The following SPAG16 variants were observed in gnomAD, a reference collection of about 807,000 sequenced individuals.
SPAG16 encodes sperm-associated antigen 16 protein.
Under a neutral mutation model 80.4 loss-of-function variants are expected in SPAG16, and 86 were observed. The ratio of observed to expected loss-of-function variants is 1.07; its 90% CI spans 0.90 to 1.28. The LOEUF (loss-of-function observed/expected upper bound fraction) is 1.28, where lower values mean the gene tolerates loss of function less well. Ranked by LOEUF, SPAG16 falls within the 50% of genes most tolerant of loss-of-function variation. SPAG16 has a pLI of 0.00. For missense variants in SPAG16, 870 were observed against 765.3 expected, an observed-to-expected ratio of 1.14 and a Z score of -1.61; for synonymous variants, 294 against 265.9, an observed-to-expected ratio of 1.11 and a Z score of -1.03.
chr2:214,008,876 C>T (rs2047156121), intron 12 of SPAG16, among the ~76,000 whole-genome samples: 1 of 152,052 alleles, frequency 6.6e-6, no homozygotes, highest in South Asian at 2.1e-4. Flanking sequence ...ATCATTTTTG[C>T]CCTTTCAGGC....
rs143953809 is a variant in SPAG16 at position 214,086,605 on chromosome 2, C to T, written c.1528-21591C>T. 5.3e-3 allele frequency among the ~76,000 whole-genome samples: 810 copies of T among 152,168 alleles called. 8 individuals are homozygous for T. Among genetic ancestry groups the T allele is most frequent in the Middle Eastern group, 0.048 (14 of 294 alleles). ...TGCCTTGTGAAGAGATGCCTTCCAC[C>T]GTGATTATGTTTCCTGAGGCCTCCC... On this transcript the variant is annotated intron_variant, in intron 13 of 15. Coordinates refer to ENST00000331683, the MANE Select transcript of SPAG16 (RefSeq NM_024532.5).
chr2:213,697,711 T>C (rs75362652), intron 10 of SPAG16, among the ~76,000 whole-genome samples: 5,590 of 152,276 alleles, frequency 0.037, 344 homozygotes, highest in African/African-American at 0.13. Flanking sequence ...GCAGCAGCAA[T>C]AGGAAATTAA....
intron 12 of SPAG16, among the ~76,000 whole-genome samples, chr2:213,932,752 C>T (rs1173576598): frequency 6.6e-6 from 1 of 152,060 alleles, no homozygotes; most frequent in Non-Finnish European, 1.5e-5. Context: ...GAAGCATCAA[C>T]AATATAGAAA....
chr2:213,734,891 T>C (rs1034457714), intron 10 of SPAG16, among the ~76,000 whole-genome samples: 1 of 152,168 alleles, frequency 6.6e-6, no homozygotes, highest in Non-Finnish European at 1.5e-5. Flanking sequence ...GATGTGACAA[T>C]TGTTAATCTC....
intron 12 of SPAG16, among the ~76,000 whole-genome samples, chr2:213,994,029 G>GATCGATTTGTGATAC (rs2046400732): frequency 6.6e-6 from 1 of 152,142 alleles, no homozygotes; most frequent in Non-Finnish European, 1.5e-5. Context: ...GATTCTAACA[G>GATCGATTTGTGATAC]ATCGATTTGT....
chr2:214,006,207 C>T (rs188698932), intron 12 of SPAG16, among the ~76,000 whole-genome samples: 2 of 152,216 alleles, frequency 1.3e-5, no homozygotes, highest in Admixed American at 1.3e-4. Flanking sequence ...TGTTGACCTG[C>T]ATATTCCTAC....
intron 15 of SPAG16, among the ~76,000 whole-genome samples, chr2:214,177,664 A>G (rs778911322): frequency 2.7e-5 from 4 of 150,492 alleles, no homozygotes; most frequent in Non-Finnish European, 4.5e-5. Context: ...TATGGAAGTT[A>G]TATTTGCTTT....
At chr2:214,165,190 G>T (rs1257176621) in intron 15 of SPAG16, among the ~76,000 whole-genome samples, 1 of 144,990 alleles carries the variant, frequency 6.9e-6, no homozygotes, top group East Asian at 2.1e-4. Flanking sequence ...GCATAAGTTT[G>T]CATGAAAAAA....
chr2:213,585,928 C>T (rs2060456335), intron 10 of SPAG16, among the ~76,000 whole-genome samples: 1 of 152,142 alleles, frequency 6.6e-6, no homozygotes, highest in Admixed American at 6.5e-5. Flanking sequence ...ATTTATTACC[C>T]TCCTCCTTCT....
At chr2:213,702,865 C>T (rs557197719) in intron 10 of SPAG16, among the ~76,000 whole-genome samples, 1 of 152,138 alleles carries the variant, frequency 6.6e-6, no homozygotes, top group Admixed American at 6.5e-5. Context: ...GGAAGGGAAG[C>T]CTAACAATAG....
chr2:213,712,665 G>A (rs963219756), intron 10 of SPAG16, among the ~76,000 whole-genome samples: 1 of 152,084 alleles, frequency 6.6e-6, no homozygotes, highest in Non-Finnish European at 1.5e-5. Flanking sequence ...GAAGAAGAAA[G>A]CTTCTTCTTT....
intron 15 of SPAG16, among the ~76,000 whole-genome samples, chr2:214,318,973 G>A (rs376531866): frequency 3.2e-4 from 49 of 152,048 alleles, no homozygotes; most frequent in African/African-American, 9.9e-4. Context: ...TACTTTTTAC[G>A]TTATTTCTTC....
At chr2:213,545,688 C>T (rs1241153556) in intron 10 of SPAG16, among the ~76,000 whole-genome samples, 2 of 151,914 alleles carry the variant, frequency 1.3e-5, no homozygotes, top group Non-Finnish European at 2.9e-5. Context: ...ATATGTTTAT[C>T]TACTTTGGTT....
Position 213,472,530 on chromosome 2 carries a change from A to G in SPAG16, c.943-17433A>G, listed in dbSNP as rs77634190. On this transcript the variant is annotated intron_variant, in intron 9 of 15. Transcript: ENST00000331683. ...TCCGCAGTCCCTCCAGGGATATGGT[A>G]TTGTTTTCAATTTACTATTTTTCTA... 1.8e-4 allele frequency among the ~76,000 whole-genome samples: 27 copies of G among 152,222 alleles called. No homozygotes were observed. The East Asian group carries it at 5.2e-3, about 29-fold the overall frequency.
At chr2:214,313,757 A>G (rs1047302543) in intron 15 of SPAG16, among the ~76,000 whole-genome samples, 5 of 152,096 alleles carry the variant, frequency 3.3e-5, no homozygotes, top group African/African-American at 1.2e-4. Context: ...GAAATGAACA[A>G]TCAGATCTAA....
At chr2:213,499,745 C>T (rs1037803792) in intron 10 of SPAG16, among the ~76,000 whole-genome samples, 1 of 152,136 alleles carries the variant, frequency 6.6e-6, no homozygotes, top group Non-Finnish European at 1.5e-5. Flanking sequence ...GTCATATGCT[C>T]ATGACCAAAT....
At chr2:213,750,244 C>A (rs1323383910) in intron 10 of SPAG16, among the ~76,000 whole-genome samples, 1 of 152,116 alleles carries the variant, frequency 6.6e-6, no homozygotes, top group Non-Finnish European at 1.5e-5. Context: ...CACATATTTG[C>A]CTTAACAAGA....
At chr2:214,052,293 A>T (rs2049690776) in intron 13 of SPAG16, among the ~76,000 whole-genome samples, 1 of 152,236 alleles carries the variant, frequency 6.6e-6, no homozygotes. Flanking sequence ...ATTTTACTTC[A>T]GCTATCAGGC....
At chr2:213,760,790 C>G (rs944701928) in intron 10 of SPAG16, among the ~76,000 whole-genome samples, 1 of 152,102 alleles carries the variant, frequency 6.6e-6, no homozygotes, top group Non-Finnish European at 1.5e-5. Context: ...TTTTTCCTCA[C>G]AGTTTTGGAG....
Sources: gnomAD v4.1 joint callset for allele counts (sites outside exome capture counted in the v4.1 genomes callset) on GRCh38, gnomAD v4.1.1 for gene constraint, MANE v1.5 for transcripts, NCBI Gene and HGNC (gene_info 2026-07-23, HGNC 2026-07-21) for gene names.